Variants in MRTFB observed in about 807,000 individuals in gnomAD.
The protein encoded by MRTFB is myocardin-related transcription factor B.
MRTFB carries 29 observed loss-of-function variants against 104.2 expected under a neutral mutation model. The ratio of observed to expected loss-of-function variants is 0.28; its 90% CI spans 0.21 to 0.38. The LOEUF (loss-of-function observed/expected upper bound fraction) is 0.38, where lower values mean the gene tolerates loss of function less well. Among genes scored for constraint, MRTFB ranks in the 10% least tolerant of loss-of-function variants. The probability of loss-of-function intolerance (pLI) is 1.00; values close to 1 mark genes in which losing one functional copy is unlikely to be tolerated. For synonymous variants in MRTFB, 535 were observed against 519.5 expected, an observed-to-expected ratio of 1.03 and a Z score of -0.41; for missense variants, 1,270 against 1,341.6, an observed-to-expected ratio of 0.95 and a Z score of 0.83.
intron 3 of MRTFB, among the ~76,000 whole-genome samples, chr16:14,168,392 A>G (rs1010026016): frequency 2.0e-5 from 3 of 152,126 alleles, no homozygotes; most frequent in Non-Finnish European, 1.5e-5. Context: ...CTCTTTCGCA[A>G]TCATTTTCTA....
chr16:14,045,349 C>G, the MRTFB span, among the ~76,000 whole-genome samples: 1 of 152,286 alleles, frequency 6.6e-6, no homozygotes, highest in South Asian at 2.1e-4. Flanking sequence ...TGCCTAGATC[C>G]CGACACAGCT....
At chr16:14,015,129 G>A in the MRTFB span, among the ~76,000 whole-genome samples, 4 of 152,102 alleles carry the variant, frequency 2.6e-5, no homozygotes, top group African/African-American at 9.7e-5. Context: ...AGTTTCCCTG[G>A]GAAAGAAATG....
At chr16:14,186,896 T>C (rs1017715050) in intron 3 of MRTFB, 25 of 1,598,012 alleles carry the variant, frequency 1.6e-5, no homozygotes, top group Middle Eastern at 1.6e-4. Context: ...ATGCTGCCTG[T>C]CTTCAGAAGC....
chr16:14,224,966 C>T (rs1205836776), intron 8 of MRTFB, among the ~76,000 whole-genome samples: 1 of 152,176 alleles, frequency 6.6e-6, no homozygotes, highest in African/African-American at 2.4e-5. Context: ...GCGAGCGGAT[C>T]ACCTGAGGTC....
chr16:14,233,912 G>A (rs762754837), intron 8 of MRTFB, among the ~76,000 whole-genome samples: 2 of 151,328 alleles, frequency 1.3e-5, no homozygotes, highest in Non-Finnish European at 2.9e-5. Context: ...CTCCAGTATC[G>A]TCAGTCTACC....
intron 3 of MRTFB, among the ~76,000 whole-genome samples, chr16:14,192,208 CAAAA>C (rs76148090): frequency 8.3e-6 from 1 of 120,554 alleles, no homozygotes; most frequent in African/African-American, 3.1e-5. Flanking sequence ...TCCGTCTCTA[CAAAA>C]AAAAAAAAAA....
At position 14,260,917 on chromosome 16, in the gene MRTFB, C is replaced by T; in HGVS notation, c.2773C>T (p.Leu925Phe). The change falls in exon 17 of 17, where the codon CTC becomes TTC. Residue 925 changes from leucine to phenylalanine, a missense_variant. Transcript: ENST00000571589. ...DILIKSGEIS[L>F]PIKEEPSPIS... ...TCATTTATTTTACACAGAGATCTCCCTCCCCATAAAAGAAGAACCTTCTCC... is the reference window on the plus strand; with the variant it reads ...TCATTTATTTTACACAGAGATCTCCTTCCCCATAAAAGAAGAACCTTCTCC... 6.2e-7 allele frequency: 1 copy of T among 1,600,444 alleles called. No homozygotes were observed. The highest frequency in any genetic ancestry group is 8.5e-7 in the Non-Finnish European group (1 of 1,172,856).
chr16:14,187,370 C>CT (rs1382973206), intron 3 of MRTFB, among the ~76,000 whole-genome samples: 1 of 151,980 alleles, frequency 6.6e-6, no homozygotes, highest in Non-Finnish European at 1.5e-5. Context: ...AGGCCATTTC[C>CT]TTTTTTATGT....
At chr16:14,076,356 G>T (rs1051788233) in intron 1 of MRTFB, among the ~76,000 whole-genome samples, 3 of 151,814 alleles carry the variant, frequency 2.0e-5, no homozygotes, top group African/African-American at 7.3e-5. Context: ...CACCAGGCCC[G>T]GATAATTTTT....
intron 15 of MRTFB, among the ~76,000 whole-genome samples, chr16:14,252,927 T>G (rs1289605384): frequency 6.6e-6 from 1 of 152,132 alleles, no homozygotes; most frequent in Non-Finnish European, 1.5e-5. Flanking sequence ...CTAAATTGAC[T>G]TGGTCTCTCT....
intron 13 of MRTFB, among the ~76,000 whole-genome samples, chr16:14,250,915 C>T (rs1317457455): frequency 1.3e-5 from 2 of 152,164 alleles, no homozygotes; most frequent in Non-Finnish European, 1.5e-5. Context: ...GAATTATTTT[C>T]CCTCAGAAGC....
chr16:14,023,614 CATATACATAT>C, the MRTFB span, among the ~76,000 whole-genome samples: 19 of 56,458 alleles, frequency 3.4e-4, no homozygotes, highest in African/African-American at 1.1e-3. Context: ...CACACACATA[CATATACATAT>C]ACATATACAT....
At chr16:14,191,981 A>C (rs555886300) in intron 3 of MRTFB, 1 of 152,326 alleles carries the variant, frequency 6.6e-6, no homozygotes, top group South Asian at 2.1e-4. Flanking sequence ...GAATTTTGCA[A>C]CGTCTATTTT....
Position 14,107,068 on chromosome 16 carries a change from A to C in MRTFB, c.-64+27714A>C, listed in dbSNP as rs570547010. 3.0e-4 allele frequency among the ~76,000 whole-genome samples: 46 copies of C among 152,308 alleles called. 1 individual carries two copies. The South Asian group carries it at 6.2e-3, about 21-fold the overall frequency. ...CAAAAGAGTTGAAAACTCAGAAAAA[A>C]AATTTAATAGAAAAGAGCTTAGCTG... On this transcript the variant is annotated intron_variant, in intron 2 of 16. Coordinates refer to ENST00000571589, the MANE Select transcript of MRTFB (RefSeq NM_001308142.2).
rs536301386 is a variant in MRTFB, at chr16:14,207,571, C to CT, written c.155-2671dup. On this transcript the variant is annotated intron_variant, in intron 3 of 16. Coordinates refer to ENST00000571589, the MANE Select transcript of MRTFB (RefSeq NM_001308142.2). ...GAGTGATGAGAGTGGTTTTTGTATG[C>CT]TACTGAGATGACAGGTAGTTGAAGG... Among the ~76,000 whole-genome samples, 599 of 152,182 alleles carry CT rather than the reference C, an allele frequency of 3.9e-3. 1 individual carries two copies. The highest frequency in any genetic ancestry group is 6.9e-3 in the South Asian group (33 of 4,812).
chr16:14,163,333 T>C (rs928300085), intron 3 of MRTFB, among the ~76,000 whole-genome samples: 54 of 152,272 alleles, frequency 3.5e-4, no homozygotes, highest in African/African-American at 1.2e-3. Context: ...AAGGAAAATA[T>C]TTTAGTTTGT....
chr16:14,241,326 T>G (rs1177540910), intron 10 of MRTFB: 6 of 152,462 alleles, frequency 3.9e-5, no homozygotes, highest in Admixed American at 2.6e-4. Flanking sequence ...AACCCAACTG[T>G]GGGGGACGGA....
At chr16:14,071,468 C>T (rs1481034021) in intron 1 of MRTFB, 103 bp downstream of exon 1, 1 of 152,838 alleles carries the variant, frequency 6.5e-6, no homozygotes, top group East Asian at 1.9e-4. Context: ...TCCCGCGTCC[C>T]AGGCAGCCAT....
chr16:14,016,179 A>T, the MRTFB span, among the ~76,000 whole-genome samples: 2 of 152,156 alleles, frequency 1.3e-5, no homozygotes. Flanking sequence ...ATTTAGATCA[A>T]ATGAAGGAAC....
Sources: gnomAD v4.1 joint callset for allele counts (sites outside exome capture counted in the v4.1 genomes callset) on GRCh38, gnomAD v4.1.1 for gene constraint, MANE v1.5 for transcripts, NCBI Gene and HGNC (gene_info 2026-07-23, HGNC 2026-07-21) for gene names.